Variants in KAZN observed in about 807,000 individuals in gnomAD.
KAZN encodes the protein kazrin.
A neutral mutation model predicts 87.4 loss-of-function variants in KAZN; 40 were observed. That is an observed-to-expected ratio of 0.46 (90% confidence interval 0.36 to 0.60). KAZN has a LOEUF of 0.60. Ranked by LOEUF, KAZN falls within the 20% of genes least tolerant of loss-of-function variation. The pLI is 0.00. For missense variants in KAZN, 898 were observed against 1,073.9 expected, an observed-to-expected ratio of 0.84 and a Z score of 2.29; for synonymous variants, 466 against 458.3, an observed-to-expected ratio of 1.02 and a Z score of -0.22.
intron 2 of KAZN, among the ~76,000 whole-genome samples, chr1:14,355,711 G>A (rs866628895): frequency 9.9e-5 from 15 of 152,256 alleles, no homozygotes; most frequent in African/African-American, 3.6e-4. Flanking sequence ...TTAGTTTGCT[G>A]AGAATGATGG....
intron 1 of KAZN, among the ~76,000 whole-genome samples, chr1:14,862,184 G>C (rs1171734424): frequency 6.6e-6 from 1 of 152,204 alleles, no homozygotes; most frequent in African/African-American, 2.4e-5. Flanking sequence ...GATTCGCACA[G>C]ATCTCAAATC....
chr1:13,970,160 C>A (rs1570417336), intron 1 of KAZN, among the ~76,000 whole-genome samples: 1 of 152,302 alleles, frequency 6.6e-6, no homozygotes, highest in South Asian at 2.1e-4. Flanking sequence ...TAAGTATATT[C>A]TTGGTTTTTA....
intron 1 of KAZN, among the ~76,000 whole-genome samples, chr1:14,676,374 C>A (rs1320727800): frequency 2.0e-5 from 3 of 152,206 alleles, no homozygotes; most frequent in African/African-American, 7.2e-5. Context: ...CTTTGATTCC[C>A]TAGCCTGTGT....
At chr1:15,000,515 G>A (rs1268561578) in intron 2 of KAZN, among the ~76,000 whole-genome samples, 2 of 151,710 alleles carry the variant, frequency 1.3e-5, no homozygotes. Flanking sequence ...CACCTCGGGG[G>A]GTACAGAGGG....
intron 2 of KAZN, among the ~76,000 whole-genome samples, chr1:14,322,113 G>A (rs1048315895): frequency 6.6e-6 from 1 of 152,006 alleles, no homozygotes; most frequent in Non-Finnish European, 1.5e-5. Flanking sequence ...CTTGGTAGAG[G>A]CTCTCTGAAA....
chr1:14,657,106 G>A (rs1476350851), intron 1 of KAZN, among the ~76,000 whole-genome samples: 1 of 114,106 alleles, frequency 8.8e-6, no homozygotes, highest in Admixed American at 1.2e-4. Context: ...TTTTGAGACA[G>A]AGTTTCACTC....
At chr1:14,733,962 T>C (rs1366608840) in intron 1 of KAZN, among the ~76,000 whole-genome samples, 1 of 152,176 alleles carries the variant, frequency 6.6e-6, no homozygotes, top group African/African-American at 2.4e-5. Flanking sequence ...TGCGCACAGC[T>C]CCTGCCCTGG....
At chr1:14,999,194 T>C (rs190388845) in intron 2 of KAZN, among the ~76,000 whole-genome samples, 3 of 152,220 alleles carry the variant, frequency 2.0e-5, no homozygotes, top group Admixed American at 2.0e-4. Flanking sequence ...TCTAAATTCA[T>C]GTGTTGAGCC....
At chr1:14,570,474 A>G (rs370574979) in intron 2 of KAZN, among the ~76,000 whole-genome samples, 25 of 152,204 alleles carry the variant, frequency 1.6e-4, no homozygotes, top group Non-Finnish European at 3.1e-4. Flanking sequence ...GATATTTCAT[A>G]TAAGTGGAAT....
At chr1:14,067,740 T>A (rs1008528584) in intron 1 of KAZN, among the ~76,000 whole-genome samples, 2 of 151,970 alleles carry the variant, frequency 1.3e-5, no homozygotes, top group Non-Finnish European at 2.9e-5. Context: ...CGGGGAAGGG[T>A]GAATTAGTTA....
chr1:14,282,274 C>G (rs574954617), intron 2 of KAZN, among the ~76,000 whole-genome samples: 8 of 152,162 alleles, frequency 5.3e-5, no homozygotes, highest in Non-Finnish European at 1.0e-4. Context: ...TTGCTTGGAA[C>G]AGCTTACAAT....
intron 1 of KAZN, among the ~76,000 whole-genome samples, chr1:14,875,235 G>C (rs1652618865): frequency 6.6e-6 from 1 of 150,902 alleles, no homozygotes; most frequent in Non-Finnish European, 1.5e-5. Flanking sequence ...GGAGGCTGAG[G>C]CAGGAGAATC....
At chr1:14,244,767 G>A (rs1316327053) in intron 2 of KAZN, among the ~76,000 whole-genome samples, 1 of 152,070 alleles carries the variant, frequency 6.6e-6, no homozygotes, top group East Asian at 1.9e-4. Context: ...TGGTGAACAG[G>A]AAAGCTAGAG....
intron 1 of KAZN, among the ~76,000 whole-genome samples, chr1:13,972,756 G>T (rs1045677348): frequency 6.6e-6 from 1 of 152,162 alleles, no homozygotes; most frequent in African/African-American, 2.4e-5. Context: ...AAAACATCTG[G>T]ATCTTGCTGT....
intron 2 of KAZN, among the ~76,000 whole-genome samples, chr1:14,510,890 ACAATT>A (rs955052712): frequency 1.3e-5 from 2 of 152,296 alleles, no homozygotes; most frequent in Non-Finnish European, 1.5e-5. Flanking sequence ...ATGACTCTGA[ACAATT>A]CAAGAGCAAA....
At chr1:14,968,856 T>C (rs1230113548) in intron 2 of KAZN, among the ~76,000 whole-genome samples, 3 of 152,232 alleles carry the variant, frequency 2.0e-5, no homozygotes, top group Non-Finnish European at 4.4e-5. Flanking sequence ...CCGATGCCTG[T>C]GGTTCAGAGC....
intron 1 of KAZN, among the ~76,000 whole-genome samples, chr1:14,631,996 T>G (rs1679606479): frequency 6.6e-6 from 1 of 152,220 alleles, no homozygotes. Flanking sequence ...TGACACATTT[T>G]CACACTTCCC....
intron 1 of KAZN, among the ~76,000 whole-genome samples, chr1:14,871,892 G>T (rs1557575381): frequency 6.6e-6 from 1 of 152,040 alleles, no homozygotes; most frequent in East Asian, 1.9e-4. Flanking sequence ...GGAGAATGGG[G>T]GTGTTTAGAG....
chr1:14,147,974 C>T (rs570792849), intron 1 of KAZN, among the ~76,000 whole-genome samples: 1 of 152,168 alleles, frequency 6.6e-6, no homozygotes, highest in Admixed American at 6.5e-5. Flanking sequence ...AATCCCAGCA[C>T]TTTAGGAGGC....
Sources: allele counts gnomAD v4.1 joint callset (sites outside exome capture counted in the v4.1 genomes callset), GRCh38; gene constraint gnomAD v4.1.1; transcripts MANE v1.5; gene names NCBI Gene and HGNC (gene_info 2026-07-23, HGNC 2026-07-21).